TUBGCP3: variants seen among roughly 807,000 people sequenced by gnomAD.
TUBGCP3 encodes gamma-tubulin complex component 3.
Under a neutral mutation model 123.1 loss-of-function variants are expected in TUBGCP3, and 50 were observed. The observed-to-expected ratio is 0.41, with a 90% confidence interval of 0.32 to 0.51. The LOEUF (loss-of-function observed/expected upper bound fraction) is 0.51, where lower values mean the gene tolerates loss of function less well. TUBGCP3 is among the 20% of genes least tolerant of loss of function. The pLI, the probability that TUBGCP3 is intolerant of heterozygous loss-of-function variation, is 0.36. For missense variants in TUBGCP3, 882 were observed against 1,127.0 expected, an observed-to-expected ratio of 0.78 and a Z score of 3.11; for synonymous variants, 405 against 413.9, an observed-to-expected ratio of 0.98 and a Z score of 0.26.
intron 3 of TUBGCP3, among the ~76,000 whole-genome samples, chr13:112,562,507 C>G (rs1880595684): frequency 6.6e-6 from 1 of 152,176 alleles, no homozygotes; most frequent in South Asian, 2.1e-4. Flanking sequence ...TAGTGTCACC[C>G]CTCTCCCAAC....
At position 112,513,404 on chromosome 13, in the gene TUBGCP3, T is replaced by C. The variant is rs1200870025; in HGVS notation, c.2086+3036A>G. 2.6e-5 allele frequency among the ~76,000 whole-genome samples: 4 copies of C among 152,354 alleles called. No individual in the cohort carries two copies. The South Asian group carries it at 6.2e-4, about 24-fold the overall frequency. ...TGGGTGGGATCTGCTTGGTAGATCATGATCAAAAACTCTTGCCCCCAGCAA... is the reference window on the plus strand; with the variant it reads ...TGGGTGGGATCTGCTTGGTAGATCACGATCAAAAACTCTTGCCCCCAGCAA... On this transcript the variant is annotated intron_variant, in intron 17 of 21. Coordinates refer to ENST00000261965, the MANE Select transcript of TUBGCP3 (RefSeq NM_006322.6).
intron 3 of TUBGCP3, among the ~76,000 whole-genome samples, 159 bp from the exon 4 acceptor site, chr13:112,559,558 C>T (rs889151288): frequency 6.6e-6 from 1 of 152,142 alleles, no homozygotes; most frequent in African/African-American, 2.4e-5. Flanking sequence ...ACAGTGCCAC[C>T]CATCCGAAGG....
chr13:112,488,030 G>A (rs1424855007), intron 21 of TUBGCP3, among the ~76,000 whole-genome samples: 1 of 151,550 alleles, frequency 6.6e-6, no homozygotes, highest in Admixed American at 6.6e-5. Context: ...TACTCGGGAG[G>A]CTGAGGCAGT....
chr13:112,515,691 G>A (rs1432481756), intron 17 of TUBGCP3, among the ~76,000 whole-genome samples: 1 of 152,112 alleles, frequency 6.6e-6, no homozygotes, highest in Non-Finnish European at 1.5e-5. Context: ...TCCCACTATA[G>A]TCAAATATCA....
At position 112,524,378 on chromosome 13, in the gene TUBGCP3, G is replaced by A. The variant is rs928197094; in HGVS notation, c.1556-1869C>T. ...GGGCCGCCAGCAGCACAGCAGACGC[G>A]GTGCTCACACAAGCAGCAGCAACCT... On this transcript the variant is annotated intron_variant, in intron 13 of 21. Coordinates refer to ENST00000261965, the MANE Select transcript of TUBGCP3 (RefSeq NM_006322.6). This position sits in a 1 kb window ranked among gnomAD's most constrained non-coding sequence, Gnocchi z 4.4. Among the ~76,000 whole-genome samples the A allele has an allele frequency of 6.6e-6, 1 of 152,092 alleles. No homozygotes were observed. Among genetic ancestry groups the A allele is most frequent in the African/African-American group, 2.4e-5 (1 of 41,402 alleles).
At chr13:112,571,881 C>G (rs565785545) in intron 1 of TUBGCP3, among the ~76,000 whole-genome samples, 2 of 152,278 alleles carry the variant, frequency 1.3e-5, no homozygotes, top group South Asian at 4.1e-4. Context: ...ACTAAAAACC[C>G]CTGCTAGCTT....
intron 19 of TUBGCP3, among the ~76,000 whole-genome samples, chr13:112,501,929 G>T (rs901403439): frequency 6.6e-6 from 1 of 152,116 alleles, no homozygotes. Flanking sequence ...AATTTATCTC[G>T]TACAGAAGGT....
upstream of TUBGCP3, among the ~76,000 whole-genome samples, chr13:112,589,599 G>A (rs1445158127): frequency 6.6e-6 from 1 of 152,176 alleles, no homozygotes; most frequent in Non-Finnish European, 1.5e-5. Context: ...TCATAACTTT[G>A]GAATGCTATG....
intron 2 of TUBGCP3, among the ~76,000 whole-genome samples, chr13:112,568,789 G>T (rs981007593): frequency 6.6e-6 from 1 of 152,232 alleles, no homozygotes; most frequent in African/African-American, 2.4e-5. Flanking sequence ...GCTCATGTGT[G>T]GCGGCTCATT....
chr13:112,583,689 C>T (rs1327275969), intron 1 of TUBGCP3, among the ~76,000 whole-genome samples: 2 of 152,238 alleles, frequency 1.3e-5, no homozygotes, highest in African/African-American at 2.4e-5. Context: ...CAAAAAACAA[C>T]TGCGGAAAAG....
At chr13:112,522,224 C>G in intron 14 of TUBGCP3, 96 bp downstream of exon 14, 3 of 1,090,060 alleles carry the variant, frequency 2.8e-6, no homozygotes, top group Non-Finnish European at 3.7e-6. Context: ...AAGAATTCAA[C>G]TCATTTTCTT....
intron 20 of TUBGCP3, among the ~76,000 whole-genome samples, chr13:112,491,610 G>A (rs974936617): frequency 2.0e-5 from 3 of 151,984 alleles, no homozygotes; most frequent in Admixed American, 6.6e-5. Flanking sequence ...TACATCACTC[G>A]TTCTACACCA....
rs73564594 is a variant in TUBGCP3, at chr13:112,485,074, G to C, written c.*919C>G. ...ATGCAACATAAAGGCAGATTTATGT[G>C]ACCTGATAATGACATTTTTACAAAA... On this transcript the variant is annotated 3_prime_UTR_variant, in exon 22 of 22. Transcript: ENST00000261965. 3 of 152,422 alleles carry C rather than the reference G, an allele frequency of 2.0e-5. No homozygotes were observed. Among genetic ancestry groups the C allele is most frequent in the Non-Finnish European group, 4.4e-5 (3 of 68,024 alleles). 9.4% of individuals were successfully genotyped at this position (152,422 alleles called of 1,614,324 possible).
At position 112,527,412 on chromosome 13, in the gene TUBGCP3, T is replaced by C; in HGVS notation, c.1408A>G (p.Met470Val). 1.9e-6 allele frequency: 3 copies of C among 1,597,112 alleles called. No individual in the cohort carries two copies. Among genetic ancestry groups the C allele is most frequent in the Non-Finnish European group, 2.6e-6 (3 of 1,174,952 alleles). Reference sequence around the variant, plus strand: ...TCCATCGTCATAAACGAAGGAATCATCGATTTCCTCAAAGTATACTTGTCG... The same window carrying C: ...TCCATCGTCATAAACGAAGGAATCACCGATTTCCTCAAAGTATACTTGTCG... Reference protein sequence around the residue: ...WHDKYTLRKSMIPSFMTMDQS... With the variant: ...WHDKYTLRKSVIPSFMTMDQS... Residue 470 changes from methionine (M) to valine (V), a missense_variant, in exon 12 of 22, where the codon ATG becomes GTG. Met to Val is a conservative substitution (Grantham distance 21, BLOSUM62 1). Transcript: ENST00000261965.
intron 17 of TUBGCP3, among the ~76,000 whole-genome samples, chr13:112,506,532 C>T (rs1022874920): frequency 1.3e-5 from 2 of 152,192 alleles, no homozygotes; most frequent in African/African-American, 4.8e-5. Flanking sequence ...GCCCTCAGAC[C>T]TGTGACATCT....
At chr13:112,498,798 G>C in intron 20 of TUBGCP3, 1 of 1,551,124 alleles carries the variant, frequency 6.4e-7, no homozygotes, top group Non-Finnish European at 8.7e-7. Context: ...ACGGGCAGGA[G>C]ATTTGTAATT....
chr13:112,545,985 A>T lies in TUBGCP3; in HGVS notation c.1169-120T>A. On this transcript the variant is annotated intron_variant, in intron 10 of 21. Coordinates refer to ENST00000261965, the MANE Select transcript of TUBGCP3 (RefSeq NM_006322.6). The surrounding 1 kb of genome is among the most constrained non-coding windows in gnomAD (Gnocchi z 4.1). ...TGAGATAAAGAGCATTTGTTTTCTTACAGTTAATACCACTTTGGACCTAGA... is the reference window on the plus strand; with the variant it reads ...TGAGATAAAGAGCATTTGTTTTCTTTCAGTTAATACCACTTTGGACCTAGA... 1 of 1,115,804 alleles carries T rather than the reference A, an allele frequency of 9.0e-7. No individual in the cohort carries two copies. Among genetic ancestry groups the T allele is most frequent in the Non-Finnish European group, 1.3e-6 (1 of 784,632 alleles). 69.1% of individuals were successfully genotyped at this position (1,115,804 alleles called of 1,614,324 possible).
At chr13:112,510,362 A>G (rs1363210472) in intron 17 of TUBGCP3, among the ~76,000 whole-genome samples, 1 of 152,196 alleles carries the variant, frequency 6.6e-6, no homozygotes, top group African/African-American at 2.4e-5. Flanking sequence ...CAATTTGTTC[A>G]CAATTTCAAA....
chr13:112,532,643 C>T (rs1000744256), intron 11 of TUBGCP3, among the ~76,000 whole-genome samples: 2 of 152,194 alleles, frequency 1.3e-5, no homozygotes, highest in Non-Finnish European at 2.9e-5. Flanking sequence ...CACCATGCAG[C>T]TTCTCTAGAT....
Sources: gnomAD v4.1 joint callset for allele counts (sites outside exome capture counted in the v4.1 genomes callset) on GRCh38, gnomAD v4.1.1 for gene constraint, Gnocchi (gnomAD v3.1) non-coding constraint, MANE v1.5 for transcripts, NCBI Gene and HGNC (gene_info 2026-07-23, HGNC 2026-07-21) for gene names.